Variants in SYN3 observed in about 807,000 individuals in gnomAD.
SYN3 encodes synapsin-3.
Under a neutral mutation model 65.8 loss-of-function variants are expected in SYN3, and 35 were observed. The observed-to-expected ratio is 0.53, with a 90% confidence interval of 0.41 to 0.70. The LOEUF (loss-of-function observed/expected upper bound fraction) is 0.70. Among genes scored for constraint, SYN3 ranks in the 30% least tolerant of loss-of-function variants. SYN3 has a pLI of 0.00. For missense variants in SYN3, 680 were observed against 749.0 expected (o/e 0.91, Z 1.08); for synonymous variants, 270 against 292.9 (o/e 0.92, Z 0.80).
chr22:32,854,604 A>G (rs1043628973), intron 6 of SYN3, among the ~76,000 whole-genome samples: 1 of 152,018 alleles, frequency 6.6e-6, no homozygotes, highest in Non-Finnish European at 1.5e-5. Flanking sequence ...CGAAGGCCAC[A>G]CTCCATGGCA....
intron 1 of SYN3, among the ~76,000 whole-genome samples, chr22:33,008,341 A>G (rs1391325943): frequency 6.6e-6 from 1 of 152,198 alleles, no homozygotes; most frequent in Admixed American, 6.5e-5. Context: ...AATGTTTATT[A>G]TATTTCTACA....
chr22:32,524,878 G>A (rs547760736), intron 12 of SYN3, among the ~76,000 whole-genome samples: 101 of 152,206 alleles, frequency 6.6e-4, no homozygotes, highest in African/African-American at 1.9e-3. Flanking sequence ...GCATGGTGGC[G>A]CGTGCCTGTA....
intron 6 of SYN3, among the ~76,000 whole-genome samples, chr22:32,762,409 C>G (rs1156330878): frequency 6.6e-6 from 1 of 152,244 alleles, no homozygotes; most frequent in Non-Finnish European, 1.5e-5. Flanking sequence ...GCTTTAGTTT[C>G]TTTAACTCAG....
intron 10 of SYN3, among the ~76,000 whole-genome samples, chr22:32,531,225 G>A (rs1326916839): frequency 3.4e-5 from 5 of 146,460 alleles, no homozygotes; most frequent in African/African-American, 1.0e-4. Flanking sequence ...TGCGCAGGTC[G>A]TACCTGGGAC....
intron 1 of SYN3, among the ~76,000 whole-genome samples, chr22:33,052,836 G>T (rs1379513621): frequency 2.0e-5 from 3 of 152,172 alleles, no homozygotes; most frequent in African/African-American, 4.8e-5. Context: ...CTAAACCAAT[G>T]GTTCCTGAAC....
intron 6 of SYN3, among the ~76,000 whole-genome samples, chr22:32,710,131 GTA>G (rs1555931740): frequency 6.8e-6 from 1 of 147,464 alleles, no homozygotes; most frequent in Non-Finnish European, 1.5e-5. Context: ...GTGTGTGTGT[GTA>G]TTTACTTTTC....
chr22:33,038,595 G>T (rs1243993649), intron 1 of SYN3, among the ~76,000 whole-genome samples: 1 of 152,072 alleles, frequency 6.6e-6, no homozygotes, highest in Non-Finnish European at 1.5e-5. Flanking sequence ...AAGCCTCTAG[G>T]GCCACAGAAC....
intron 6 of SYN3, chr22:32,861,608 T>G (rs925230990): frequency 1.3e-5 from 2 of 152,600 alleles, no homozygotes; most frequent in African/African-American, 2.4e-5. Context: ...AAGGAGGAAC[T>G]TGGGTGAAGG....
intron 4 of SYN3, among the ~76,000 whole-genome samples, chr22:32,907,443 C>G (rs1360510431): frequency 6.6e-6 from 1 of 152,140 alleles, no homozygotes; most frequent in Non-Finnish European, 1.5e-5. Flanking sequence ...GGCCCCATTT[C>G]CAGGTACTTT....
At chr22:32,643,562 G>GGGC (rs2059936565) in intron 6 of SYN3, among the ~76,000 whole-genome samples, 5 of 122,032 alleles carry the variant, frequency 4.1e-5, no homozygotes, top group Non-Finnish European at 8.5e-5. Flanking sequence ...GGGGGCGGGG[G>GGGC]GGGCAGAACA....
At chr22:32,929,610 C>T (rs190737209) in intron 4 of SYN3, among the ~76,000 whole-genome samples, 1 of 152,240 alleles carries the variant, frequency 6.6e-6, no homozygotes, top group African/African-American at 2.4e-5. Context: ...AAGTTCAATG[C>T]CTGAGGTTTC....
chr22:32,945,235 A>G (rs1455271754), intron 3 of SYN3, among the ~76,000 whole-genome samples: 1 of 152,214 alleles, frequency 6.6e-6, no homozygotes, highest in African/African-American at 2.4e-5. Flanking sequence ...CACTGCCAAG[A>G]CAATCCTAAG....
chr22:32,904,533 T>C (rs888319793), intron 4 of SYN3, among the ~76,000 whole-genome samples: 5 of 152,160 alleles, frequency 3.3e-5, no homozygotes, highest in Non-Finnish European at 7.4e-5. Context: ...TTTTTGTTTT[T>C]TTTTTTCATA....
chr22:32,930,879 C>T (rs1290729207), intron 4 of SYN3: 4 of 152,770 alleles, frequency 2.6e-5, no homozygotes, highest in Non-Finnish European at 5.8e-5. Flanking sequence ...GATTTCTGAA[C>T]ATATTATATA....
rs1358360875 is a variant in SYN3 at position 32,527,921 on chromosome 22, G to A, written c.1315C>T (p.Gln439Ter). 13 of 1,586,896 alleles carry A rather than the reference G, an allele frequency of 8.2e-6. No homozygotes were observed. The highest frequency in any genetic ancestry group is 1.1e-5 in the Non-Finnish European group (13 of 1,165,370). Residue 439 changes from glutamine to a stop codon, truncating the protein, a stop_gained, in exon 12 of 14, where the codon CAA (glutamine) becomes TAA (stop). Coordinates refer to ENST00000358763, the MANE Select transcript of SYN3 (RefSeq NM_003490.4). LOFTEE classifies it high-confidence loss of function. The part of the protein sequence containing the change: ...LGQPQPRPPP[Q>*]GGPRQAQSPQ... Reference sequence around the variant, plus strand: ...AGTGGCTCGTCCTGGGTCATACCTTGCGGAGGTGGGCGTGGCTGGGGCTGG... The same window carrying A: ...AGTGGCTCGTCCTGGGTCATACCTTACGGAGGTGGGCGTGGCTGGGGCTGG...
chr22:33,041,294 C>CTTTTTTT (rs531793626), intron 1 of SYN3, among the ~76,000 whole-genome samples: 1 of 129,326 alleles, frequency 7.7e-6, no homozygotes, highest in Admixed American at 7.9e-5. Flanking sequence ...GGAACTCTTT[C>CTTTTTTT]TTTTTTTTTT....
chr22:32,550,700 C>CAAAAA lies in SYN3; in HGVS notation c.775-8992_775-8988dup, dbSNP rs135481. Among the ~76,000 whole-genome samples, 449 of 148,360 alleles carry CAAAAA rather than the reference C, an allele frequency of 3.0e-3. 4 individuals are homozygous for CAAAAA. Among genetic ancestry groups the CAAAAA allele is most frequent in the Non-Finnish European group, 5.0e-3 (335 of 67,044 alleles). ...GTCTGCCAAAAAGGCCTAGAAATGG[C>CAAAAA]AAAAAAAAAAATAAGAATAAACATA... On this transcript the variant is annotated intron_variant, in intron 7 of 13. Transcript: ENST00000358763.
At chr22:32,853,037 G>A (rs562066561) in intron 6 of SYN3, among the ~76,000 whole-genome samples, 2 of 152,168 alleles carry the variant, frequency 1.3e-5, no homozygotes, top group Non-Finnish European at 1.5e-5. Flanking sequence ...CATGTGCTTT[G>A]CATGTCCTGA....
Position 32,954,285 on chromosome 22 carries a change from C to CT in SYN3, c.370-22805dup, listed in dbSNP as rs548353658. On this transcript the variant is annotated intron_variant, in intron 3 of 13. Coordinates refer to ENST00000358763, the MANE Select transcript of SYN3 (RefSeq NM_003490.4). ...TTCATCGAAGGGGAGAAAAAGGGGC[C>CT]TTTAAGGGGAACAGGATGGTGAGAC... 3.3e-4 allele frequency among the ~76,000 whole-genome samples: 50 copies of CT among 152,224 alleles called. 1 individual carries two copies. The South Asian group carries it at 1.0e-2, about 30-fold the overall frequency.
Sources: allele counts gnomAD v4.1 joint callset (sites outside exome capture counted in the v4.1 genomes callset), GRCh38; gene constraint gnomAD v4.1.1; transcripts MANE v1.5; gene names NCBI Gene and HGNC (gene_info 2026-07-23, HGNC 2026-07-21).